The following SEC31A variants were observed in gnomAD, a reference collection of about 807,000 sequenced individuals.
The protein encoded by SEC31A is protein transport protein Sec31A.
In SEC31A, 70 loss-of-function variants were observed where a neutral mutation model predicts 151.0. That is an observed-to-expected ratio of 0.46 (90% CI 0.38 to 0.57). SEC31A has a LOEUF of 0.57. Among genes scored for constraint, SEC31A ranks in the 20% least tolerant of loss-of-function variants. The pLI, the probability that SEC31A is intolerant of heterozygous loss-of-function variation, is 0.00. For missense variants in SEC31A, 1,330 were observed against 1,471.2 expected, an observed-to-expected ratio of 0.90 and a Z score of 1.57; for synonymous variants, 475 against 505.9, an observed-to-expected ratio of 0.94 and a Z score of 0.82.
At chr4:82,828,673 C>A (rs1279318340) in intron 23 of SEC31A, among the ~76,000 whole-genome samples, 19 of 44,112 alleles carry the variant, frequency 4.3e-4, no homozygotes, top group East Asian at 9.1e-4. Context: ...CAAAGTAACT[C>A]AAAAAAAAAA....
chr4:82,819,565 T>C (rs12331100), intron 26 of SEC31A, among the ~76,000 whole-genome samples: 68,856 of 151,976 alleles, frequency 0.45, 18,151 homozygotes, highest in Admixed American at 0.59. Flanking sequence ...TTAAGAGAGC[T>C]TCAGACCTTT....
chr4:82,819,404 T>C, intron 26 of SEC31A, 151 bp from the exon 27 acceptor site: 3 of 529,056 alleles, frequency 5.7e-6, no homozygotes, highest in Non-Finnish European at 9.1e-6. Flanking sequence ...GAAAGTTTCT[T>C]GAACCAAGCA....
At chr4:82,872,595 A>G (rs1438758418) in intron 6 of SEC31A, among the ~76,000 whole-genome samples, 1 of 152,224 alleles carries the variant, frequency 6.6e-6, no homozygotes, top group Non-Finnish European at 1.5e-5. Flanking sequence ...TATTTTCTCA[A>G]TTCATGCAGC....
intron 22 of SEC31A, among the ~76,000 whole-genome samples, chr4:82,829,599 T>C (rs1414528087): frequency 6.6e-6 from 1 of 152,200 alleles, no homozygotes; most frequent in African/African-American, 2.4e-5. Context: ...ACTAGTAATT[T>C]TTATCATCTT....
upstream of SEC31A, chr4:82,891,265 C>G: frequency 7.8e-7 from 1 of 1,285,524 alleles, no homozygotes; most frequent in South Asian, 1.4e-5. Context: ...CATCTTTCCC[C>G]GCCCACCCGA....
chr4:82,899,950 T>C (rs912310254), intron 2 of SEC31A: 1 of 152,280 alleles, frequency 6.6e-6, no homozygotes, highest in Non-Finnish European at 1.5e-5. Context: ...TAAGAGCTTA[T>C]AACTAAGACA....
At position 82,891,139 on chromosome 4, in the gene SEC31A, A is replaced by C; in HGVS notation, c.-56T>G. 2 of 1,535,284 alleles carry C rather than the reference A, an allele frequency of 1.3e-6. No individual in the cohort carries two copies. The highest frequency in any genetic ancestry group is 1.7e-6 in the Non-Finnish European group (2 of 1,146,594). ...CCTGCGTTAGTGCAGCGCTCGTCGG[A>C]CTCTCCCAGCATTCGCCGCCGCCCC... On this transcript the variant is annotated 5_prime_UTR_variant, in exon 1 of 27. Coordinates refer to ENST00000395310, the MANE Select transcript of SEC31A (RefSeq NM_001077207.4).
At chr4:82,873,855 G>A (rs1737318977) in intron 6 of SEC31A, among the ~76,000 whole-genome samples, 1 of 152,078 alleles carries the variant, frequency 6.6e-6, no homozygotes, top group Non-Finnish European at 1.5e-5. Flanking sequence ...GTGCTCTATG[G>A]GTAAGTGCCG....
intron 26 of SEC31A, 117 bp from the exon 27 acceptor site, chr4:82,819,370 T>C: frequency 2.8e-6 from 2 of 719,412 alleles, no homozygotes; most frequent in East Asian, 6.3e-5. Flanking sequence ...ATTATAAAAA[T>C]ATATAAACCA....
intron 1 of SEC31A, among the ~76,000 whole-genome samples, chr4:82,884,896 A>C (rs948662843): frequency 6.6e-6 from 1 of 152,098 alleles, no homozygotes; most frequent in African/African-American, 2.4e-5. Context: ...CCTTGGACCG[A>C]AACAGTGAAT....
At chr4:82,899,113 A>C (rs1451950752) in intron 3 of SEC31A, among the ~76,000 whole-genome samples, 1 of 152,228 alleles carries the variant, frequency 6.6e-6, no homozygotes, top group Non-Finnish European at 1.5e-5. Context: ...CACAAAGACC[A>C]TATATTAGTT....
At chr4:82,881,255 GGA>G (rs1423144222) in intron 2 of SEC31A, among the ~76,000 whole-genome samples, 1 of 152,122 alleles carries the variant, frequency 6.6e-6, no homozygotes, top group Non-Finnish European at 1.5e-5. Context: ...CATGAGGTCA[GGA>G]GATCAAGACC....
At chr4:82,892,996 T>C (rs1200383060), upstream of SEC31A, 1 of 152,230 alleles carries the variant, frequency 6.6e-6, no homozygotes, top group African/African-American at 2.4e-5. Flanking sequence ...AAAAACTGAA[T>C]TGCTCACTAG....
intron 25 of SEC31A, among the ~76,000 whole-genome samples, chr4:82,822,425 C>T (rs1323539592): frequency 6.6e-6 from 1 of 152,030 alleles, no homozygotes; most frequent in African/African-American, 2.4e-5. Context: ...GGAAGAGTTC[C>T]AGGCAGAAGG....
At chr4:82,883,742 T>C (rs890571083) in intron 1 of SEC31A, among the ~76,000 whole-genome samples, 1 of 151,700 alleles carries the variant, frequency 6.6e-6, no homozygotes, top group African/African-American at 2.4e-5. Flanking sequence ...GGAGGAAGGA[T>C]TGTTTGAGCC....
Position 82,833,491 on chromosome 4 carries a change from A to G in SEC31A, c.2969-4433T>C, listed in dbSNP as rs563801463. Among the ~76,000 whole-genome samples, 211 of 151,370 alleles carry G rather than the reference A, an allele frequency of 1.4e-3. 2 individuals carry two copies. The highest frequency in any genetic ancestry group is 2.5e-3 in the Non-Finnish European group (167 of 67,878). On this transcript the variant is annotated intron_variant, in intron 22 of 26. Coordinates refer to ENST00000395310, the MANE Select transcript of SEC31A (RefSeq NM_001077207.4). ...CAGCAAACCACCATGGCACATGTAT[A>G]CCCATGTAACAAAACTGCATGTAAC...
rs1361340751 is a variant in SEC31A, at chr4:82,878,920, T to C, written c.212A>G (p.Lys71Arg). The change falls in exon 4 of 27, where the codon AAG (lysine) becomes AGG (arginine). Residue 71 changes from lysine to arginine, a missense_variant. Transcript: ENST00000395310. The part of the protein sequence containing the change: ...ATFSSSHRYH[K>R]LIWGPYKMDS... ...CATTTTATAAGGCCCCCAAATCAAC[T>C]TGTGGTACCTACAGGAGAAAATGAA... The C allele has an allele frequency of 1.2e-6, 2 of 1,611,724 alleles. No homozygotes were observed. The highest frequency in any genetic ancestry group is 1.7e-6 in the Non-Finnish European group (2 of 1,178,018).
chr4:82,878,990 T>A (rs1164826843), intron 3 of SEC31A, 62 bp from the exon 4 acceptor site: 1 of 1,280,310 alleles, frequency 7.8e-7, no homozygotes, highest in Non-Finnish European at 1.1e-6. Context: ...GACAAAAAAT[T>A]GAAATTATAC....
chr4:82,824,635 G>T lies in SEC31A; in HGVS notation c.3331C>A (p.Pro1111Thr). 1 of 1,614,000 alleles carries T rather than the reference G, an allele frequency of 6.2e-7. No homozygotes were observed. Among genetic ancestry groups the T allele is most frequent in the Non-Finnish European group, 8.5e-7 (1 of 1,179,958 alleles). Residue 1111 changes from proline to threonine, a missense_variant, in exon 25 of 27, where the codon CCT (proline) becomes ACT (threonine). By Grantham distance (38) the Pro-to-Thr change is conservative. Coordinates refer to ENST00000395310, the MANE Select transcript of SEC31A (RefSeq NM_001077207.4). Reference protein sequence around the residue: ...SLPTKKITKKPIPDEHLILKT... With the variant: ...SLPTKKITKKTIPDEHLILKT... ...AGAATGAGGTGCTCATCTGGAATAGGTTTCTTGGTAATTTTTTTTGTTGGC... is the reference window on the plus strand; with the variant it reads ...AGAATGAGGTGCTCATCTGGAATAGTTTTCTTGGTAATTTTTTTTGTTGGC...
Sources: gnomAD v4.1 joint callset for allele counts (sites outside exome capture counted in the v4.1 genomes callset) on GRCh38, gnomAD v4.1.1 for gene constraint, MANE v1.5 for transcripts, NCBI Gene and HGNC (gene_info 2026-07-23, HGNC 2026-07-21) for gene names.